NTAQ1: variants seen among roughly 807,000 people sequenced by gnomAD.
NTAQ1 encodes protein N-terminal glutamine amidohydrolase.
In NTAQ1, 21 loss-of-function variants were observed where a neutral mutation model predicts 28.2. That is an observed-to-expected ratio of 0.74 (90% confidence interval 0.53 to 1.07). The LOEUF is 1.07. Ranked by LOEUF, NTAQ1 falls within the 50% of genes least tolerant of loss-of-function variation. The probability of loss-of-function intolerance (pLI) is 0.00; values close to 1 mark genes in which losing one functional copy is unlikely to be tolerated. For missense variants in NTAQ1, 264 were observed against 256.6 expected, an observed-to-expected ratio of 1.03 and a Z score of -0.20; for synonymous variants, 105 against 90.0, an observed-to-expected ratio of 1.17 and a Z score of -0.94.
intron 3 of NTAQ1, among the ~76,000 whole-genome samples, chr8:123,434,892 G>A (rs1814610688): frequency 6.6e-6 from 1 of 152,106 alleles, no homozygotes; most frequent in Non-Finnish European, 1.5e-5. Context: ...GAAGTCCAGA[G>A]AATAGGCATT....
chr8:123,416,988 C>G, intron 1 of NTAQ1, 56 bp downstream of exon 1: 3 of 1,384,494 alleles, frequency 2.2e-6, no homozygotes, highest in Non-Finnish European at 2.8e-6. Flanking sequence ...CGGCGAGTCG[C>G]AACCGGGCCC....
intron 6 of NTAQ1, among the ~76,000 whole-genome samples, chr8:123,463,498 G>A (rs1187265025): frequency 6.6e-6 from 1 of 152,118 alleles, no homozygotes; most frequent in Non-Finnish European, 1.5e-5. Flanking sequence ...GATTGATATT[G>A]TTTATTCCTA....
At chr8:123,455,827 T>C (rs1048593065) in intron 6 of NTAQ1, among the ~76,000 whole-genome samples, 6 of 152,150 alleles carry the variant, frequency 3.9e-5, no homozygotes, top group African/African-American at 1.4e-4. Flanking sequence ...TTTAGGTATA[T>C]TGCTAATTTT....
At chr8:123,453,112 G>T (rs1356088080) in intron 6 of NTAQ1, among the ~76,000 whole-genome samples, 1 of 152,214 alleles carries the variant, frequency 6.6e-6, no homozygotes, top group African/African-American at 2.4e-5. Context: ...TGTTTCTGCA[G>T]CCGTAAGTGA....
intron 1 of NTAQ1, among the ~76,000 whole-genome samples, chr8:123,422,622 T>G (rs1813775286): frequency 7.0e-6 from 1 of 143,422 alleles, no homozygotes; most frequent in African/African-American, 2.5e-5. Flanking sequence ...TTTTTTTTTT[T>G]TGCTGTGCAG....
At chr8:123,458,836 G>A (rs910737091) in intron 6 of NTAQ1, among the ~76,000 whole-genome samples, 1 of 151,976 alleles carries the variant, frequency 6.6e-6, no homozygotes, top group Non-Finnish European at 1.5e-5. Flanking sequence ...TAGCTAGGAT[G>A]GTCTCGATCT....
downstream of NTAQ1, among the ~76,000 whole-genome samples, chr8:123,449,062 TCCTGGGAA>T (rs1815387224): frequency 6.6e-6 from 1 of 152,182 alleles, no homozygotes; most frequent in Non-Finnish European, 1.5e-5. Context: ...AAGCCCTGTC[TCCTGGGAA>T]GGAAAGAAAG....
chr8:123,423,147 A>G (rs1433974900), intron 1 of NTAQ1, among the ~76,000 whole-genome samples: 1 of 151,992 alleles, frequency 6.6e-6, no homozygotes, highest in Non-Finnish European at 1.5e-5. Context: ...TTTGGTGCAT[A>G]TGAGTTTTAG....
At chr8:123,445,335 C>G (rs528434774), downstream of NTAQ1, among the ~76,000 whole-genome samples, 5 of 151,378 alleles carry the variant, frequency 3.3e-5, no homozygotes, top group African/African-American at 1.2e-4. Flanking sequence ...TTTCCCTTCA[C>G]TAAACAAAGA....
chr8:123,458,158 A>G (rs1366596157), intron 6 of NTAQ1, among the ~76,000 whole-genome samples: 1 of 137,222 alleles, frequency 7.3e-6, no homozygotes, highest in Non-Finnish European at 1.5e-5. Context: ...CTGGTCTGGA[A>G]CTCCTGGACT....
At chr8:123,427,844 GTCA>G (rs1814156407) in intron 1 of NTAQ1, 77 bp from the exon 2 acceptor site, 3 of 1,201,226 alleles carry the variant, frequency 2.5e-6, no homozygotes, top group Middle Eastern at 2.8e-4. Flanking sequence ...ACTTTTTGAT[GTCA>G]TCATCAGTAT....
At chr8:123,441,087 C>A (rs972935415) in intron 5 of NTAQ1, among the ~76,000 whole-genome samples, 1 of 152,102 alleles carries the variant, frequency 6.6e-6, no homozygotes, top group Non-Finnish European at 1.5e-5. Context: ...TCTGTGTAGT[C>A]CCCTCTTCAC....
downstream of NTAQ1, among the ~76,000 whole-genome samples, chr8:123,444,870 A>G (rs989081334): frequency 4.6e-5 from 7 of 152,320 alleles, no homozygotes; most frequent in African/African-American, 1.7e-4. Flanking sequence ...TGAGAACCTG[A>G]CACACCAAGG....
chr8:123,444,179 G>A (rs1381186733), downstream of NTAQ1, among the ~76,000 whole-genome samples: 1 of 152,050 alleles, frequency 6.6e-6, no homozygotes, highest in Non-Finnish European at 1.5e-5. Flanking sequence ...AAAAGCAGGG[G>A]ACTAAAGTAG....
intron 2 of NTAQ1, among the ~76,000 whole-genome samples, chr8:123,428,568 A>T (rs923892401): frequency 4.9e-5 from 7 of 144,226 alleles, no homozygotes; most frequent in African/African-American, 1.8e-4. Flanking sequence ...TTAGGTATCA[A>T]TGTAGACCTG....
At position 123,469,283 on chromosome 8, in the gene NTAQ1, G is replaced by C. The variant is rs1441473638; in HGVS notation, c.*2133G>C. On this transcript the variant is annotated 3_prime_UTR_variant, in exon 7 of 7. Coordinates refer to the NTAQ1 transcript ENST00000650311. ...GCCTATGCATTTAGTGTCATACCAAGAAATCATTGGAAATATGTTTTTTCA... is the reference window on the plus strand; with the variant it reads ...GCCTATGCATTTAGTGTCATACCAACAAATCATTGGAAATATGTTTTTTCA... Among the ~76,000 whole-genome samples, 4 of 152,142 alleles carry C rather than the reference G, an allele frequency of 2.6e-5. No homozygotes were observed. In the East Asian group the frequency reaches 7.7e-4, roughly 29 times the overall value.
exon 7 of NTAQ1, among the ~76,000 whole-genome samples, chr8:123,468,213 T>A (rs1326589697): frequency 1.3e-5 from 2 of 152,228 alleles, no homozygotes; most frequent in Non-Finnish European, 2.9e-5. Flanking sequence ...CAAAACTTTA[T>A]TTATGTATTT....
chr8:123,454,641 G>A (rs1278136843), intron 6 of NTAQ1, among the ~76,000 whole-genome samples: 1 of 152,096 alleles, frequency 6.6e-6, no homozygotes, highest in Admixed American at 6.5e-5. Flanking sequence ...TTCTAGCCTT[G>A]GTGCCCAGAC....
downstream of NTAQ1, among the ~76,000 whole-genome samples, chr8:123,451,679 C>T (rs984927435): frequency 2.0e-5 from 3 of 152,160 alleles, no homozygotes; most frequent in Non-Finnish European, 2.9e-5. Context: ...GACTGTGAGT[C>T]CTCCCTGCCT....
Sources: allele counts gnomAD v4.1 joint callset (sites outside exome capture counted in the v4.1 genomes callset), GRCh38; gene constraint gnomAD v4.1.1; transcripts MANE v1.5; gene names NCBI Gene and HGNC (gene_info 2026-07-23, HGNC 2026-07-21).